DLGAP1: variants seen among roughly 807,000 people sequenced by gnomAD.
DLGAP1 encodes the protein DLG associated protein 1.
A neutral mutation model predicts 90.8 loss-of-function variants in DLGAP1; 11 were observed. The observed-to-expected ratio is 0.12, with a 90% CI of 0.08 to 0.20. The LOEUF (loss-of-function observed/expected upper bound fraction) is 0.20. Ranked by LOEUF, DLGAP1 falls within the 10% of genes least tolerant of loss-of-function variation. The pLI is 1.00. For missense variants in DLGAP1, 1,050 were observed against 1,333.8 expected, an observed-to-expected ratio of 0.79 and a Z score of 3.31; for synonymous variants, 558 against 540.7, an observed-to-expected ratio of 1.03 and a Z score of -0.44.
intron 7 of DLGAP1, among the ~76,000 whole-genome samples, chr18:3,599,871 C>T (rs1742421296): frequency 6.6e-6 from 1 of 151,850 alleles, no homozygotes; most frequent in African/African-American, 2.4e-5. Context: ...CCCACCTCGG[C>T]CTCCCAAAAT....
chr18:3,885,093 T>C (rs1349778885), intron 3 of DLGAP1, among the ~76,000 whole-genome samples: 2 of 152,244 alleles, frequency 1.3e-5, no homozygotes, highest in Non-Finnish European at 2.9e-5. Flanking sequence ...CCTAAGGCCA[T>C]TGGCAATGGG....
rs141448293 is a variant in DLGAP1 at position 4,428,355 on chromosome 18, C to T, written c.-267+26651G>A. Among the ~76,000 whole-genome samples the T allele has an allele frequency of 6.9e-3, 1,054 of 152,108 alleles. 9 individuals are homozygous for T. Among genetic ancestry groups the T allele is most frequent in the Non-Finnish European group, 0.011 (719 of 67,988 alleles). On this transcript the variant is annotated intron_variant, in intron 1 of 12. Transcript: ENST00000315677. ...CAGCACTTTGGGAGGCCAAGGCGGACGGATCACTTGAGGCCAGAAGTTCGA... is the reference window on the plus strand; with the variant it reads ...CAGCACTTTGGGAGGCCAAGGCGGATGGATCACTTGAGGCCAGAAGTTCGA...
intron 2 of DLGAP1, among the ~76,000 whole-genome samples, chr18:4,049,593 G>T (rs16945953): frequency 0.15 from 22,069 of 151,988 alleles, 1,726 homozygotes; most frequent in Admixed American, 0.25. Flanking sequence ...TCCTTTTCTG[G>T]TAAACTGCTA....
intron 7 of DLGAP1, among the ~76,000 whole-genome samples, chr18:3,627,801 C>T (rs2058351218): frequency 6.6e-6 from 1 of 151,882 alleles, no homozygotes; most frequent in South Asian, 2.1e-4. Context: ...GCTGGGACTG[C>T]CCATCTAATT....
At chr18:3,509,676 C>G (rs1223953178) in intron 10 of DLGAP1, among the ~76,000 whole-genome samples, 1 of 152,220 alleles carries the variant, frequency 6.6e-6, no homozygotes, top group African/African-American at 2.4e-5. Flanking sequence ...TCCTGTTGTT[C>G]TGAATTTACG....
At chr18:3,570,705 G>A (rs1416504777) in intron 8 of DLGAP1, among the ~76,000 whole-genome samples, 2 of 151,772 alleles carry the variant, frequency 1.3e-5, no homozygotes, top group Admixed American at 6.6e-5. Flanking sequence ...GAGGTGAGAG[G>A]ATCGCTTGAG....
intron 1 of DLGAP1, among the ~76,000 whole-genome samples, chr18:4,234,961 T>C (rs2145081195): frequency 6.6e-6 from 1 of 152,324 alleles, no homozygotes; most frequent in South Asian, 2.1e-4. Flanking sequence ...CTCCCCTCCC[T>C]TGTTCTCCCC....
At chr18:3,741,106 C>CCATCACCACCATCACCACCACCACCA (rs2062947672) in intron 6 of DLGAP1, among the ~76,000 whole-genome samples, 1 of 123,894 alleles carries the variant, frequency 8.1e-6, no homozygotes, top group African/African-American at 3.6e-5. Flanking sequence ...ACCACCATCA[C>CCATCACCACCATCACCACCACCACCA]CATCACCACC....
At chr18:3,771,255 CTT>C (rs1297005003) in intron 5 of DLGAP1, 1 of 152,350 alleles carries the variant, frequency 6.6e-6, no homozygotes, top group African/African-American at 2.4e-5. Flanking sequence ...AGAATCCGCT[CTT>C]GTTCTTCTCT....
At chr18:4,350,756 A>G (rs2081388075) in intron 1 of DLGAP1, among the ~76,000 whole-genome samples, 1 of 152,110 alleles carries the variant, frequency 6.6e-6, no homozygotes, top group African/African-American at 2.4e-5. Context: ...ATTCTATTCT[A>G]TTCATACAAT....
chr18:3,728,327 T>TATATAC (rs1476550297), intron 7 of DLGAP1, among the ~76,000 whole-genome samples: 7 of 82,450 alleles, frequency 8.5e-5, no homozygotes, highest in African/African-American at 6.9e-4. Flanking sequence ...TATATATATA[T>TATATAC]ACATGTTTCA....
chr18:4,375,267 GA>G (rs1163177297), intron 1 of DLGAP1, among the ~76,000 whole-genome samples: 5 of 152,108 alleles, frequency 3.3e-5, no homozygotes, highest in African/African-American at 4.8e-5. Context: ...CGAAGCTACA[GA>G]ATGACAGTCA....
Position 4,084,715 on chromosome 18 carries a change from G to A in DLGAP1, c.-159+66465C>T, listed in dbSNP as rs1238980998. ...ACCAAACTTAGCATAAAAATACATG[G>A]GGTTACTTATTTCTTTGGGCTTTCA... is the stretch of plus-strand genomic sequence containing the variant. On this transcript the variant is annotated intron_variant, in intron 2 of 12. Transcript: ENST00000315677. This position sits in a 1 kb window ranked among gnomAD's most constrained non-coding sequence, Gnocchi z 4.0. Among the ~76,000 whole-genome samples, 3 of 152,060 alleles carry A rather than the reference G, an allele frequency of 2.0e-5. No homozygotes were observed. Among genetic ancestry groups the A allele is most frequent in the Admixed American group, 2.0e-4 (3 of 15,268 alleles).
At chr18:4,116,819 T>C (rs1034298056) in intron 2 of DLGAP1, among the ~76,000 whole-genome samples, 1 of 152,242 alleles carries the variant, frequency 6.6e-6, no homozygotes, top group African/African-American at 2.4e-5. Context: ...AAATGTGTGA[T>C]GTCATTGTCT....
chr18:3,639,816 G>A (rs895477131), intron 7 of DLGAP1, among the ~76,000 whole-genome samples: 1 of 136,342 alleles, frequency 7.3e-6, no homozygotes, highest in Non-Finnish European at 1.5e-5. Flanking sequence ...GTGCAGTGGC[G>A]CGATCTCGGC....
intron 2 of DLGAP1, among the ~76,000 whole-genome samples, chr18:4,013,248 T>C (rs1427135880): frequency 6.6e-6 from 1 of 152,184 alleles, no homozygotes; most frequent in Non-Finnish European, 1.5e-5. Context: ...AGCATTTACA[T>C]ACGCAATCAT....
At chr18:4,373,128 AC>A (rs2081950806) in intron 1 of DLGAP1, among the ~76,000 whole-genome samples, 1 of 152,114 alleles carries the variant, frequency 6.6e-6, no homozygotes, top group African/African-American at 2.4e-5. Context: ...GCCACTGAGT[AC>A]ATTTCATCAA....
At chr18:4,161,418 T>A (rs1327940799) in intron 1 of DLGAP1, among the ~76,000 whole-genome samples, 1 of 152,198 alleles carries the variant, frequency 6.6e-6, no homozygotes, top group African/African-American at 2.4e-5. Context: ...GTAAAGGACA[T>A]GATCTCATTT....
chr18:3,866,150 C>G (rs1018523503), intron 4 of DLGAP1, among the ~76,000 whole-genome samples: 1 of 152,198 alleles, frequency 6.6e-6, no homozygotes, highest in African/African-American at 2.4e-5. Flanking sequence ...ATCAGGAACT[C>G]CTGGAGTCCC....
Sources: allele counts gnomAD v4.1 joint callset (sites outside exome capture counted in the v4.1 genomes callset), GRCh38; gene constraint gnomAD v4.1.1; non-coding constraint Gnocchi (gnomAD v3.1); transcripts MANE v1.5; gene names NCBI Gene and HGNC (gene_info 2026-07-23, HGNC 2026-07-21).